The following RFX7 variants were observed in gnomAD, a reference collection of about 807,000 sequenced individuals.
RFX7 encodes the protein DNA-binding protein RFX7.
In RFX7, 26 loss-of-function variants were observed where a neutral mutation model predicts 111.8. That is an observed-to-expected ratio of 0.23 (90% CI 0.17 to 0.32). The LOEUF (loss-of-function observed/expected upper bound fraction) is 0.32, where lower values mean the gene tolerates loss of function less well. Ranked by LOEUF, RFX7 falls within the 10% of genes least tolerant of loss-of-function variation. The pLI is 1.00. For synonymous variants in RFX7, 624 were observed against 624.4 expected (o/e 1.00, Z 0.01); for missense variants, 1,573 against 1,772.9 (o/e 0.89, Z 2.02).
chr15:56,243,374 A>AGAG, intron 1 of RFX7, 71 bp downstream of exon 1: 1 of 428,248 alleles, frequency 2.3e-6, no homozygotes, highest in South Asian at 3.9e-5. Context: ...CGAAGGGGGG[A>AGAG]GAGGAGGAGG....
intron 2 of RFX7, among the ~76,000 whole-genome samples, chr15:56,228,774 T>C (rs567411546): frequency 7.8e-4 from 118 of 152,138 alleles, no homozygotes; most frequent in Non-Finnish European, 1.3e-3. Context: ...TCCCCCCTCA[T>C]TCTCGAGGGA....
rs760355021 is a variant in RFX7 at position 56,101,350 on chromosome 15, ATGT to A, written c.811+6_811+8del. 27 of 1,570,290 alleles carry A rather than the reference ATGT, an allele frequency of 1.7e-5. No homozygotes were observed. The highest frequency in any genetic ancestry group is 8.2e-5 in the South Asian group (7 of 85,818). On this transcript the variant is annotated splice_donor_region_variant and intron_variant, in intron 8 of 9. Transcript: ENST00000559447. ...GTCAGTTTTTAGCTTGTTCACAGTA[ATGT>A]TGTACCTGCTGGTGCTGCTGCCATT...
chr15:56,091,410 G>C lies in RFX7; in HGVS notation c.*1935C>G. 1 of 152,480 alleles carries C rather than the reference G, an allele frequency of 6.6e-6. No individual in the cohort carries two copies. The highest frequency in any genetic ancestry group is 1.5e-5 in the Non-Finnish European group (1 of 67,936). 9.4% of individuals were successfully genotyped at this position (152,480 alleles called of 1,614,324 possible). A position where few individuals can be genotyped will look rare whatever the true frequency, so the allele number is the denominator to read the frequency against. ...CTGGACGAATTCAACCAAATTTAAA[G>C]AGTTTGCTGCAATACTGTACAAGGG... On this transcript the variant is annotated 3_prime_UTR_variant, in exon 10 of 10. Coordinates refer to ENST00000559447, the MANE Select transcript of RFX7 (RefSeq NM_022841.7).
At chr15:56,164,755 T>C (rs1433141605) in intron 3 of RFX7, among the ~76,000 whole-genome samples, 2 of 152,198 alleles carry the variant, frequency 1.3e-5, no homozygotes, top group Non-Finnish European at 2.9e-5. Context: ...GGACAACTCA[T>C]GTGTGCCCAG....
At chr15:56,097,858 T>TTGTA (rs1220721329) in intron 9 of RFX7, among the ~76,000 whole-genome samples, 1 of 152,006 alleles carries the variant, frequency 6.6e-6, no homozygotes, top group Non-Finnish European at 1.5e-5. Context: ...TGTGCATACT[T>TTGTA]TGTATGTCTT....
intron 2 of RFX7, among the ~76,000 whole-genome samples, chr15:56,185,878 G>A (rs2043032947): frequency 6.6e-6 from 1 of 152,048 alleles, no homozygotes; most frequent in African/African-American, 2.4e-5. Context: ...AATTTCTCTC[G>A]TGATTTGAAA....
At chr15:56,180,892 G>A (rs1351512035) in intron 2 of RFX7, among the ~76,000 whole-genome samples, 1 of 152,060 alleles carries the variant, frequency 6.6e-6, no homozygotes, top group African/African-American at 2.4e-5. Flanking sequence ...ACTCCAGCCT[G>A]GGCAACAGAG....
Position 56,101,458 on chromosome 15 carries a change from A to T in RFX7, c.712T>A (p.Phe238Ile). 1.2e-6 allele frequency: 2 copies of T among 1,613,680 alleles called. No individual in the cohort carries two copies. The highest frequency in any genetic ancestry group is 1.7e-6 in the Non-Finnish European group (2 of 1,179,770). Residue 238 changes from phenylalanine to isoleucine, a missense_variant, in exon 8 of 10, where the codon TTT (phenylalanine) becomes ATT (isoleucine). By Grantham distance (21) the Phe-to-Ile change is conservative. Transcript: ENST00000559447. Reference protein sequence around the residue: ...EWAQKVLSQPFDTVLELARFL... With the variant: ...EWAQKVLSQPIDTVLELARFL... ...CGGGCTAATTCCAAGACGGTGTCAA[A>T]TGGTTGGCTTAACACTTTCTGGGCC...
intron 3 of RFX7, among the ~76,000 whole-genome samples, chr15:56,176,549 A>G (rs2042905101): frequency 6.6e-6 from 1 of 152,214 alleles, no homozygotes; most frequent in Non-Finnish European, 1.5e-5. Context: ...CAAGCAAACA[A>G]AACTGTAAAC....
chr15:56,096,522 C>T lies in RFX7; in HGVS notation c.1206G>A (p.Met402Ile), dbSNP rs1263097494. Residue 402 changes from methionine to isoleucine, a missense_variant, in exon 10 of 10, where the codon ATG becomes ATA. Physicochemically the swap from Met to Ile is conservative, Grantham distance 10. Transcript: ENST00000559447. ...PLNVQVVTQH[M>I]QSVKQAPKTP... is the part of the protein sequence containing the mutation. ...TCTTTGGTGCCTGTTTCACAGACTG[C>T]ATGTGCTGAGTGACCACCTGTACAT... 1 of 1,602,526 alleles carries T rather than the reference C, an allele frequency of 6.2e-7. No individual in the cohort carries two copies. The highest frequency in any genetic ancestry group is 1.7e-5 in the Admixed American group (1 of 57,968).
chr15:56,159,348 C>G (rs1269375484), intron 3 of RFX7, among the ~76,000 whole-genome samples: 2 of 152,136 alleles, frequency 1.3e-5, no homozygotes. Flanking sequence ...ACGTATTTCG[C>G]CTGGTAATCT....
chr15:56,135,341 T>A (rs1223140423), intron 5 of RFX7, among the ~76,000 whole-genome samples: 1 of 152,246 alleles, frequency 6.6e-6, no homozygotes, highest in African/African-American at 2.4e-5. Flanking sequence ...ATTGTAGTTT[T>A]GATTTGCATT....
intron 3 of RFX7, among the ~76,000 whole-genome samples, chr15:56,161,926 C>T (rs2042724595): frequency 2.0e-5 from 3 of 152,010 alleles, no homozygotes; most frequent in Non-Finnish European, 4.4e-5. Flanking sequence ...TTAAATTCTA[C>T]AAAAACTGAC....
In RFX7 at chr15:56,091,636, T is replaced by C. The variant is rs1415947172; in HGVS notation, c.*1709A>G. On this transcript the variant is annotated 3_prime_UTR_variant, in exon 10 of 10. Coordinates refer to ENST00000559447, the MANE Select transcript of RFX7 (RefSeq NM_022841.7). Reference sequence around the variant, plus strand: ...GGGTATTGCATACTTTGGTGTGCAGTAGTGCTGTGTCTCAATGTACAGTGA... The same window carrying C: ...GGGTATTGCATACTTTGGTGTGCAGCAGTGCTGTGTCTCAATGTACAGTGA... 1.3e-5 allele frequency: 2 copies of C among 152,304 alleles called. No homozygotes were observed. Among genetic ancestry groups the C allele is most frequent in the African/African-American group, 2.4e-5 (1 of 41,432 alleles). 9.4% of individuals were successfully genotyped at this position (152,304 alleles called of 1,614,324 possible).
chr15:56,166,191 C>G (rs1595981495), intron 3 of RFX7, among the ~76,000 whole-genome samples: 1 of 152,210 alleles, frequency 6.6e-6, no homozygotes, highest in Non-Finnish European at 1.5e-5. Context: ...CCACGGCAAC[C>G]AGCCTAGGTT....
chr15:56,160,551 T>C (rs1285657800), intron 3 of RFX7, among the ~76,000 whole-genome samples: 1 of 152,116 alleles, frequency 6.6e-6, no homozygotes, highest in South Asian at 2.1e-4. Flanking sequence ...AATACTAATT[T>C]TTCCCCCCTC....
Position 56,224,301 on chromosome 15 carries a change from A to G in RFX7, c.161+18824T>C, listed in dbSNP as rs890335773. Among the ~76,000 whole-genome samples the G allele has an allele frequency of 2.6e-5, 4 of 152,304 alleles. No individual in the cohort carries two copies. In the Middle Eastern group the frequency reaches 0.01, roughly 389 times the overall value. On this transcript the variant is annotated intron_variant, in intron 2 of 9. Transcript: ENST00000559447. Reference sequence around the variant, plus strand: ...TTTAATTCTGTAAGCAAGCAATTTTAAAGTAAGTATTTTTAATGTAAACTG... The same window carrying G: ...TTTAATTCTGTAAGCAAGCAATTTTGAAGTAAGTATTTTTAATGTAAACTG...
In RFX7 at chr15:56,096,534, G is replaced by A; in HGVS notation, c.1194C>T (p.Val398=). 6.2e-7 allele frequency: 1 copy of A among 1,601,566 alleles called. No homozygotes were observed. The highest frequency in any genetic ancestry group is 8.5e-7 in the Non-Finnish European group (1 of 1,173,842). ...GKVLPLNVQV[V]TQHMQSVKQA... ...GTTTCACAGACTGCATGTGCTGAGT[G>A]ACCACCTGTACATTGAGGGGAAGAA... The change falls in exon 10 of 10, where the codon GTC becomes GTT. Residue 398 remains valine, a synonymous_variant. Coordinates refer to ENST00000559447, the MANE Select transcript of RFX7 (RefSeq NM_022841.7).
intron 9 of RFX7, 66 bp from the exon 10 acceptor site, chr15:56,096,686 G>A: frequency 1.4e-6 from 2 of 1,422,162 alleles, no homozygotes; most frequent in South Asian, 1.5e-5. Context: ...TCATGTATCT[G>A]TATATACTTT....
Sources: allele counts gnomAD v4.1 joint callset (sites outside exome capture counted in the v4.1 genomes callset), GRCh38; gene constraint gnomAD v4.1.1; transcripts MANE v1.5; gene names NCBI Gene and HGNC (gene_info 2026-07-23, HGNC 2026-07-21).